The following NUDT3 variants were observed in gnomAD, a reference collection of about 807,000 sequenced individuals.
The protein encoded by NUDT3 is nudix hydrolase 3.
A neutral mutation model predicts 23.6 loss-of-function variants in NUDT3; 9 were observed. The ratio of observed to expected loss-of-function variants is 0.38; its 90% CI spans 0.23 to 0.66. The LOEUF is 0.66. NUDT3 is among the 30% of genes least tolerant of loss of function. The pLI is 0.52. For missense variants in NUDT3, 172 were observed against 218.5 expected, an observed-to-expected ratio of 0.79 and a Z score of 1.34; for synonymous variants, 86 against 82.6, an observed-to-expected ratio of 1.04 and a Z score of -0.22.
At chr6:34,347,509 G>A (rs996105080) in intron 1 of NUDT3, among the ~76,000 whole-genome samples, 3 of 152,184 alleles carry the variant, frequency 2.0e-5, no homozygotes, top group Non-Finnish European at 2.9e-5. Context: ...AAATCAACAG[G>A]TGGTGCAGTG....
At chr6:34,307,557 C>T (rs1763700741) in intron 2 of NUDT3, among the ~76,000 whole-genome samples, 1 of 152,128 alleles carries the variant, frequency 6.6e-6, no homozygotes, top group Admixed American at 6.5e-5. Flanking sequence ...GTCTGGGCAA[C>T]AGTGGGAGAA....
rs148635096 is a variant in NUDT3 at position 34,294,321 on chromosome 6, C to T, written c.256-786G>A. On this transcript the variant is annotated intron_variant, in intron 3 of 4. Transcript: ENST00000607016. ...TTTTTTTGTAGAGACAGGATTTCAC[C>T]ATGTTGCCCAGGCTGGTCTTAAACT... Among the ~76,000 whole-genome samples, 547 of 152,066 alleles carry T rather than the reference C, an allele frequency of 3.6e-3. 2 individuals are homozygous for T. Among genetic ancestry groups the T allele is most frequent in the Middle Eastern group, 0.024 (7 of 294 alleles).
chr6:34,348,638 T>C (rs1303670500), intron 1 of NUDT3, among the ~76,000 whole-genome samples: 3 of 151,602 alleles, frequency 2.0e-5, no homozygotes, highest in Non-Finnish European at 4.4e-5. Flanking sequence ...TAGCCGGGCG[T>C]GGTGGCGGGC....
chr6:34,314,120 TA>T (rs1763821910), intron 2 of NUDT3, among the ~76,000 whole-genome samples: 1 of 148,898 alleles, frequency 6.7e-6, no homozygotes, highest in Non-Finnish European at 1.5e-5. Context: ...ATTCTGAGCA[TA>T]AAAAAATTAA....
At chr6:34,362,817 T>C (rs1764670637) in intron 1 of NUDT3, among the ~76,000 whole-genome samples, 1 of 152,130 alleles carries the variant, frequency 6.6e-6, no homozygotes, top group African/African-American at 2.4e-5. Flanking sequence ...AGGAATCAGA[T>C]GGTATTAGTG....
chr6:34,299,485 C>A (rs934282284), intron 2 of NUDT3, among the ~76,000 whole-genome samples: 1 of 151,980 alleles, frequency 6.6e-6, no homozygotes, highest in East Asian at 1.9e-4. Flanking sequence ...GGCTAGGGCG[C>A]ATGGTCATAG....
At chr6:34,380,317 GC>G (rs1358965776) in intron 1 of NUDT3, among the ~76,000 whole-genome samples, 1 of 151,986 alleles carries the variant, frequency 6.6e-6, no homozygotes, top group Admixed American at 6.6e-5. Context: ...CTCCCAAAGT[GC>G]TGGGATTACA....
intron 2 of NUDT3, among the ~76,000 whole-genome samples, chr6:34,307,254 C>G (rs996188039): frequency 6.6e-6 from 1 of 151,876 alleles, no homozygotes; most frequent in African/African-American, 2.4e-5. Flanking sequence ...AAAATAATAA[C>G]AATAATAAAA....
In NUDT3 at chr6:34,380,099, T is replaced by C. The variant is rs1288770138; in HGVS notation, c.99+12165A>G. Among the ~76,000 whole-genome samples, 5 of 152,198 alleles carry C rather than the reference T, an allele frequency of 3.3e-5. No individual in the cohort carries two copies. In the East Asian group the frequency reaches 9.6e-4, roughly 29 times the overall value. On this transcript the variant is annotated intron_variant, in intron 1 of 4. Transcript: ENST00000607016. ...ATCTATTTATTTATTTATTTATTTT[T>C]TGAGACAAAGTTTCGCTCTTGTTGC... is the stretch of plus-strand genomic sequence containing the variant.
intron 1 of NUDT3, among the ~76,000 whole-genome samples, chr6:34,389,716 C>G (rs1482675784): frequency 1.3e-5 from 2 of 152,132 alleles, no homozygotes; most frequent in African/African-American, 2.4e-5. Context: ...GTAATCCCAG[C>G]ACTTTGGGCG....
At position 34,374,532 on chromosome 6, in the gene NUDT3, T is replaced by C. The variant is rs1764890150; in HGVS notation, c.99+17732A>G. Among the ~76,000 whole-genome samples, 4 of 152,210 alleles carry C rather than the reference T, an allele frequency of 2.6e-5. No homozygotes were observed. The South Asian group carries it at 8.3e-4, about 32-fold the overall frequency. On this transcript the variant is annotated intron_variant, in intron 1 of 4. Transcript: ENST00000607016. The stretch of plus-strand genomic sequence containing the variant: ...TTGTGACGCTGTTATGATCAGCATC[T>C]GATTTTTTTTTTAATGCCTGCACAA...
At chr6:34,360,058 T>A (rs1262007123) in intron 1 of NUDT3, among the ~76,000 whole-genome samples, 1 of 151,356 alleles carries the variant, frequency 6.6e-6, no homozygotes, top group African/African-American at 2.4e-5. Context: ...AAAAACCCCA[T>A]CTCTACAAAA....
chr6:34,345,038 TTTTTGTTTTG>T (rs750277811), intron 1 of NUDT3, among the ~76,000 whole-genome samples: 1 of 151,302 alleles, frequency 6.6e-6, no homozygotes, highest in African/African-American at 2.4e-5. Flanking sequence ...CAATCACAGT[TTTTTGTTTTG>T]TTTTGTTTTG....
intron 2 of NUDT3, among the ~76,000 whole-genome samples, chr6:34,341,156 C>G (rs1166953161): frequency 6.6e-6 from 1 of 152,134 alleles, no homozygotes; most frequent in African/African-American, 2.4e-5. Context: ...ACAAGAAAAG[C>G]AGAGCATGGT....
intron 2 of NUDT3, 142 bp from the exon 3 acceptor site, chr6:34,295,827 C>A (rs1763491019): frequency 2.2e-6 from 2 of 929,638 alleles, no homozygotes; most frequent in Admixed American, 2.6e-5. Context: ...TGAAGTGATA[C>A]CAGTGTTTCC....
chr6:34,290,756 A>C (rs1168666083), intron 4 of NUDT3, among the ~76,000 whole-genome samples: 1 of 147,062 alleles, frequency 6.8e-6, no homozygotes, highest in Non-Finnish European at 1.5e-5. Context: ...TCATTCACTT[A>C]AGCATTTCCA....
At chr6:34,357,154 G>A (rs1638398192) in intron 1 of NUDT3, among the ~76,000 whole-genome samples, 1 of 152,118 alleles carries the variant, frequency 6.6e-6, no homozygotes, top group African/African-American at 2.4e-5. Context: ...ATCATACAGT[G>A]TTTGAGATTT....
intron 2 of NUDT3, among the ~76,000 whole-genome samples, chr6:34,321,375 T>C (rs559145006): frequency 6.6e-5 from 10 of 151,604 alleles, no homozygotes; most frequent in Admixed American, 2.0e-4. Flanking sequence ...GAGGCAGAGA[T>C]TGCAGTGAGC....
chr6:34,366,709 A>G (rs568946865), intron 1 of NUDT3, among the ~76,000 whole-genome samples: 6 of 151,998 alleles, frequency 3.9e-5, no homozygotes, highest in African/African-American at 1.4e-4. Context: ...AACGTGTGCC[A>G]CCATATCTGG....
Sources: gnomAD v4.1 joint callset for allele counts (sites outside exome capture counted in the v4.1 genomes callset) on GRCh38, gnomAD v4.1.1 for gene constraint, MANE v1.5 for transcripts, NCBI Gene and HGNC (gene_info 2026-07-23, HGNC 2026-07-21) for gene names.